Variants in MTSS1 observed in about 807,000 individuals in gnomAD.
The protein encoded by MTSS1 is MTSS I-BAR domain containing 1.
MTSS1 carries 18 observed loss-of-function variants against 79.0 expected under a neutral mutation model. The ratio of observed to expected loss-of-function variants is 0.23; its 90% CI spans 0.16 to 0.34. The LOEUF is 0.34. Ranked by LOEUF, MTSS1 falls within the 10% of genes least tolerant of loss-of-function variation. MTSS1 has a pLI of 1.00. For synonymous variants in MTSS1, 341 were observed against 368.6 expected, an observed-to-expected ratio of 0.93 and a Z score of 0.86; for missense variants, 815 against 986.2, an observed-to-expected ratio of 0.83 and a Z score of 2.33.
intron 9 of MTSS1, 118 bp from the exon 10 acceptor site, chr8:124,563,110 A>G (rs781642600): frequency 1.2e-5 from 10 of 836,984 alleles, no homozygotes; most frequent in African/African-American, 3.4e-5. Context: ...AGCACAACAT[A>G]ATGCAATTAG....
chr8:124,666,502 C>T (rs963715137), intron 3 of MTSS1, among the ~76,000 whole-genome samples: 10 of 152,174 alleles, frequency 6.6e-5, no homozygotes, highest in Non-Finnish European at 1.3e-4. Flanking sequence ...GCACAAGCCA[C>T]GACAAAGAGG....
At chr8:124,724,396 A>T (rs1833381676) in intron 1 of MTSS1, among the ~76,000 whole-genome samples, 1 of 152,142 alleles carries the variant, frequency 6.6e-6, no homozygotes, top group South Asian at 2.1e-4. Context: ...GGTGCTGGTA[A>T]CAGGACACCC....
chr8:124,564,446 G>A (rs555042314), intron 9 of MTSS1, among the ~76,000 whole-genome samples: 3 of 152,152 alleles, frequency 2.0e-5, no homozygotes, highest in South Asian at 2.1e-4. Flanking sequence ...GGAGGAAATC[G>A]CTGCAGTGAG....
At chr8:124,583,355 A>G (rs1035049268) in intron 6 of MTSS1, among the ~76,000 whole-genome samples, 1 of 152,182 alleles carries the variant, frequency 6.6e-6, no homozygotes, top group Admixed American at 6.5e-5. Context: ...CTTCCTATCC[A>G]GCCTTGATAG....
At chr8:124,616,417 A>T (rs1836871873) in intron 3 of MTSS1, among the ~76,000 whole-genome samples, 2 of 150,706 alleles carry the variant, frequency 1.3e-5, no homozygotes, top group African/African-American at 2.5e-5. Context: ...ACTTGAGCTC[A>T]GCCCACCAAT....
chr8:124,700,096 A>G (rs12334716), intron 2 of MTSS1, among the ~76,000 whole-genome samples: 55,447 of 151,352 alleles, frequency 0.37, 10,891 homozygotes, highest in East Asian at 0.5. Context: ...CCAAGATCGC[A>G]CCACTGCACT....
chr8:124,671,678 G>A (rs1770928338), intron 3 of MTSS1, among the ~76,000 whole-genome samples: 1 of 152,186 alleles, frequency 6.6e-6, no homozygotes, highest in Non-Finnish European at 1.5e-5. Flanking sequence ...CCTGATACAA[G>A]TTTGCAAACA....
At chr8:124,600,932 G>C (rs112755757) in intron 3 of MTSS1, among the ~76,000 whole-genome samples, 16 of 152,088 alleles carry the variant, frequency 1.1e-4, no homozygotes, top group African/African-American at 1.7e-4. Context: ...CTGGGGGACC[G>C]GGAGGCTCAT....
In MTSS1 at chr8:124,611,114, C is replaced by CCA. The variant is rs1554671376; in HGVS notation, c.209-19880_209-19879insTG. Among the ~76,000 whole-genome samples, 8 of 148,548 alleles carry CCA rather than the reference C, an allele frequency of 5.4e-5. 1 individual carries two copies. Among genetic ancestry groups the CCA allele is most frequent in the Admixed American group, 2.7e-4 (4 of 14,958 alleles). On this transcript the variant is annotated intron_variant, in intron 3 of 13. Coordinates refer to ENST00000518547, the MANE Select transcript of MTSS1 (RefSeq NM_014751.6). ...ACAAACCCACCAGACAGACCCCCCC[C>CCA]CCCCAGCATGTGACTCAACAGTCAC... is the stretch of plus-strand genomic sequence containing the variant.
chr8:124,557,920 TATAAC>T (rs1485683235), intron 10 of MTSS1, 45 bp from the exon 11 acceptor site: 4 of 1,445,880 alleles, frequency 2.8e-6, no homozygotes, highest in South Asian at 1.2e-5. Flanking sequence ...AAAAAATTAA[TATAAC>T]AGGATGAGTG....
rs1822498346 is a variant in MTSS1 at position 124,551,401 on chromosome 8, A to T, written c.*1591T>A. The T allele has an allele frequency of 6.5e-6, 1 of 152,692 alleles. No homozygotes were observed. The highest frequency in any genetic ancestry group is 2.4e-5 in the African/African-American group (1 of 41,468). 9.5% of individuals were successfully genotyped at this position (152,692 alleles called of 1,614,324 possible). A position where few individuals can be genotyped will look rare whatever the true frequency, so the allele number is the denominator to read the frequency against. Reference sequence around the variant, plus strand: ...CCGTAACATAAAATGTCCTTGAGCAATCGCAGCAGTGTTCAATGTTAATAT... The same window carrying T: ...CCGTAACATAAAATGTCCTTGAGCATTCGCAGCAGTGTTCAATGTTAATAT... On this transcript the variant is annotated 3_prime_UTR_variant, in exon 14 of 14. Transcript: ENST00000518547.
intron 3 of MTSS1, among the ~76,000 whole-genome samples, chr8:124,660,372 A>G (rs986425386): frequency 1.3e-5 from 2 of 151,394 alleles, no homozygotes; most frequent in African/African-American, 2.4e-5. Flanking sequence ...CAAGGAACGA[A>G]TGGCACTAGT....
At chr8:124,608,454 C>T (rs1043396976) in intron 3 of MTSS1, among the ~76,000 whole-genome samples, 11 of 152,152 alleles carry the variant, frequency 7.2e-5, no homozygotes, top group African/African-American at 2.4e-4. Context: ...CTCGCCTCCT[C>T]CGACAAGGTC....
At position 124,553,419 on chromosome 8, in the gene MTSS1, G is replaced by C. The variant is rs774241372; in HGVS notation, c.1841C>G (p.Pro614Arg). The C allele has an allele frequency of 3.7e-6, 6 of 1,607,396 alleles. No homozygotes were observed. The highest frequency in any genetic ancestry group is 4.3e-6 in the Non-Finnish European group (5 of 1,175,518). Residue 614 changes from proline to arginine, a missense_variant, in exon 14 of 14, where the codon CCC (proline) becomes CGC (arginine). Pro to Arg is a moderately radical substitution (Grantham distance 103, BLOSUM62 -2). Around this residue, in one of 2 missense-constraint regions of MTSS1, gnomAD observed 590 missense variants for 620.8 expected, o/e 0.95. Coordinates refer to ENST00000518547, the MANE Select transcript of MTSS1 (RefSeq NM_014751.6). This position sits in a 1 kb window ranked among gnomAD's most constrained non-coding sequence, Gnocchi z 6.0. ...GGTTGGGGTCTTGACAGGGATCACG[G>C]GTGTCTTGATGGGGATGGGACCAGC... Reference protein sequence around the residue: ...IGAGPIPIKTPVIPVKTPTVP... With the variant: ...IGAGPIPIKTRVIPVKTPTVP...
At chr8:124,563,068 A>G (rs1401753718) in intron 9 of MTSS1, 76 bp from the exon 10 acceptor site, 9 of 1,302,902 alleles carry the variant, frequency 6.9e-6, no homozygotes, top group Non-Finnish European at 9.6e-6. Flanking sequence ...GGAAGGAGGA[A>G]GGAGGGGAAC....
chr8:124,560,570 G>A (rs574847271), intron 10 of MTSS1, among the ~76,000 whole-genome samples: 16 of 152,148 alleles, frequency 1.1e-4, no homozygotes, highest in African/African-American at 3.9e-4. Flanking sequence ...AGAATTGCCT[G>A]AATCCAGGAG....
intron 3 of MTSS1, among the ~76,000 whole-genome samples, chr8:124,664,650 C>G (rs1822717257): frequency 6.6e-6 from 1 of 152,220 alleles, no homozygotes; most frequent in Admixed American, 6.5e-5. Context: ...TCTTGTGTGT[C>G]AGGAGACCCC....
At chr8:124,630,696 C>T (rs1815755953) in intron 3 of MTSS1, among the ~76,000 whole-genome samples, 1 of 152,218 alleles carries the variant, frequency 6.6e-6, no homozygotes, top group African/African-American at 2.4e-5. Context: ...AACCTGCCTC[C>T]ACTGTCTCAT....
intron 3 of MTSS1, among the ~76,000 whole-genome samples, chr8:124,658,753 C>A (rs986182711): frequency 2.6e-5 from 4 of 152,124 alleles, no homozygotes; most frequent in African/African-American, 9.7e-5. Context: ...AGCAGCAAAG[C>A]GCCAAGGGGG....
Sources: gnomAD v4.1 joint callset for allele counts (sites outside exome capture counted in the v4.1 genomes callset) on GRCh38, gnomAD v4.1.1 for gene constraint, gnomAD v4.1.1 regional missense constraint, Gnocchi (gnomAD v3.1) non-coding constraint, MANE v1.5 for transcripts, NCBI Gene and HGNC (gene_info 2026-07-23, HGNC 2026-07-21) for gene names.